Variants in HPSE2 observed in about 807,000 individuals in gnomAD.
The protein encoded by HPSE2 is heparanase 2 (inactive).
HPSE2 carries 38 observed loss-of-function variants against 60.5 expected under a neutral mutation model. The observed-to-expected ratio is 0.63, with a 90% CI of 0.48 to 0.82. HPSE2 has a LOEUF of 0.82. Ranked by LOEUF, HPSE2 falls within the 40% of genes least tolerant of loss-of-function variation. The pLI, the probability that HPSE2 is intolerant of heterozygous loss-of-function variation, is 0.00. For missense variants in HPSE2, 713 were observed against 740.4 expected (o/e 0.96, Z 0.43); for synonymous variants, 295 against 293.2 (o/e 1.01, Z -0.06).
intron 3 of HPSE2, among the ~76,000 whole-genome samples, chr10:98,957,033 A>G (rs1403043092): frequency 6.6e-6 from 1 of 152,198 alleles, no homozygotes; most frequent in Non-Finnish European, 1.5e-5. Flanking sequence ...GAGTGATGCC[A>G]TATTGAAGTG....
chr10:99,283,522 A>T, the HPSE2 span, among the ~76,000 whole-genome samples: 15 of 151,508 alleles, frequency 9.9e-5, no homozygotes, highest in African/African-American at 2.4e-4. Context: ...AAAGAAATTT[A>T]AAAAAAAATT....
chr10:98,682,782 T>C (rs1240215161), intron 6 of HPSE2, among the ~76,000 whole-genome samples: 1 of 152,182 alleles, frequency 6.6e-6, no homozygotes, highest in Non-Finnish European at 1.5e-5. Flanking sequence ...AAAAGTGATT[T>C]GGAGTCCTTA....
At chr10:98,687,348 C>T (rs1158827853) in intron 6 of HPSE2, among the ~76,000 whole-genome samples, 1 of 152,186 alleles carries the variant, frequency 6.6e-6, no homozygotes, top group Non-Finnish European at 1.5e-5. Flanking sequence ...ATCTTCAAAT[C>T]CAGCAATTGT....
At chr10:99,308,946 T>C in the HPSE2 span, among the ~76,000 whole-genome samples, 2 of 152,224 alleles carry the variant, frequency 1.3e-5, no homozygotes, top group African/African-American at 2.4e-5. Flanking sequence ...TATTTTATTT[T>C]CACATTGAGA....
intron 2 of HPSE2, among the ~76,000 whole-genome samples, chr10:99,222,902 G>T (rs574076739): frequency 6.6e-6 from 1 of 152,260 alleles, no homozygotes; most frequent in Non-Finnish European, 1.5e-5. Context: ...ATATTCATGG[G>T]AAGGCATATG....
chr10:98,916,735 T>C (rs1431234555), intron 3 of HPSE2, among the ~76,000 whole-genome samples: 10 of 152,222 alleles, frequency 6.6e-5, no homozygotes, highest in Non-Finnish European at 1.2e-4. Context: ...AATATTAAGT[T>C]TGGGTGTTTA....
chr10:99,247,380 T>C, the HPSE2 span, among the ~76,000 whole-genome samples: 1 of 152,258 alleles, frequency 6.6e-6, no homozygotes, highest in East Asian at 1.9e-4. Context: ...CTATGTATTT[T>C]TAAAAGTAAG....
At chr10:98,819,424 T>TTTC (rs1405428242) in intron 3 of HPSE2, among the ~76,000 whole-genome samples, 7 of 150,996 alleles carry the variant, frequency 4.6e-5, no homozygotes, top group Non-Finnish European at 7.4e-5. Flanking sequence ...AATCATTCTT[T>TTTC]TTTTTTTTTT....
chr10:98,560,845 AAAAC>A (rs564678402), intron 9 of HPSE2, among the ~76,000 whole-genome samples: 248 of 137,136 alleles, frequency 1.8e-3, no homozygotes, highest in African/African-American at 6.0e-3. Context: ...ATCATGGTAA[AAAAC>A]AAAACTACTG....
chr10:98,916,666 A>G (rs1440928689), intron 3 of HPSE2, among the ~76,000 whole-genome samples: 1 of 152,236 alleles, frequency 6.6e-6, no homozygotes. Flanking sequence ...CCATCTGCAC[A>G]GATTTATTCC....
chr10:99,257,495 C>A, the HPSE2 span, among the ~76,000 whole-genome samples: 1 of 152,254 alleles, frequency 6.6e-6, no homozygotes, highest in African/African-American at 2.4e-5. Context: ...GAAATAAGCC[C>A]CAGTCTCCGG....
chr10:99,080,819 A>G (rs1171936944), intron 3 of HPSE2, among the ~76,000 whole-genome samples: 2 of 152,230 alleles, frequency 1.3e-5, no homozygotes, highest in Non-Finnish European at 2.9e-5. Context: ...AGCATATACA[A>G]TGAGGTTTTT....
intron 2 of HPSE2, among the ~76,000 whole-genome samples, chr10:99,172,151 T>C (rs1847335818): frequency 6.6e-6 from 1 of 152,218 alleles, no homozygotes; most frequent in African/African-American, 2.4e-5. Flanking sequence ...GTGAGCCTAG[T>C]ATCCAAGAGT....
chr10:98,687,862 C>A (rs1015252964), intron 6 of HPSE2, among the ~76,000 whole-genome samples: 10 of 152,088 alleles, frequency 6.6e-5, no homozygotes, highest in African/African-American at 2.4e-4. Flanking sequence ...CTCTTGTAGG[C>A]AGAATATAAT....
chr10:98,607,209 T>C (rs1039661070), intron 9 of HPSE2, among the ~76,000 whole-genome samples: 1 of 152,076 alleles, frequency 6.6e-6, no homozygotes, highest in African/African-American at 2.4e-5. Flanking sequence ...CTGACCTTGC[T>C]CCTCGCTGTC....
At chr10:98,515,015 C>T (rs544961269) in intron 9 of HPSE2, among the ~76,000 whole-genome samples, 34 of 152,230 alleles carry the variant, frequency 2.2e-4, no homozygotes, top group South Asian at 1.4e-3. Context: ...TGAGCCACCG[C>T]GCCCAGCCCG....
At chr10:98,742,206 G>T (rs1002541388) in intron 4 of HPSE2, among the ~76,000 whole-genome samples, 3 of 151,978 alleles carry the variant, frequency 2.0e-5, no homozygotes, top group Non-Finnish European at 4.4e-5. Context: ...GTCTCCATTT[G>T]GTCAACTAAC....
intron 9 of HPSE2, among the ~76,000 whole-genome samples, chr10:98,603,439 G>GTTTTTTTTTTTTT (rs58750714): frequency 6.9e-6 from 1 of 144,160 alleles, no homozygotes; most frequent in Non-Finnish European, 1.5e-5. Flanking sequence ...CTGTTTTTTT[G>GTTTTTTTTTTTTT]TTTTTTTTTT....
intron 3 of HPSE2, among the ~76,000 whole-genome samples, chr10:98,882,808 G>A (rs114992945): frequency 0.038 from 5,838 of 152,084 alleles, 369 homozygotes; most frequent in African/African-American, 0.13. Context: ...TGCTCTACAC[G>A]AATTATTTAT....
Sources: allele counts gnomAD v4.1 joint callset (sites outside exome capture counted in the v4.1 genomes callset), GRCh38; gene constraint gnomAD v4.1.1; transcripts MANE v1.5; gene names NCBI Gene and HGNC (gene_info 2026-07-23, HGNC 2026-07-21).